SLC30A8: variants seen among roughly 807,000 people sequenced by gnomAD.
SLC30A8 encodes proton-coupled zinc antiporter SLC30A8.
In SLC30A8, 27 loss-of-function variants were observed where a neutral mutation model predicts 36.9. The observed-to-expected ratio is 0.73, with a 90% CI of 0.54 to 1.01. SLC30A8 has a LOEUF of 1.01. SLC30A8 is among the 50% of genes least tolerant of loss of function. The pLI is 0.00. For synonymous variants in SLC30A8, 164 were observed against 172.4 expected, an observed-to-expected ratio of 0.95 and a Z score of 0.38; for missense variants, 439 against 452.0, an observed-to-expected ratio of 0.97 and a Z score of 0.26.
Position 117,097,998 on chromosome 8 carries a change from TATATA to T in SLC30A8, c.-225-37276_-225-37272del, listed in dbSNP as rs989147615. 4.7e-5 allele frequency among the ~76,000 whole-genome samples: 6 copies of T among 128,046 alleles called. No individual in the cohort carries two copies. The East Asian group carries it at 8.6e-4, about 18-fold the overall frequency. 84.0% of individuals were successfully genotyped at this position (128,046 alleles called of 152,430 possible). A position where few individuals can be genotyped will look rare whatever the true frequency, so the allele number is the denominator to read the frequency against. Reference sequence around the variant, plus strand: ...AATAAATTTAATAAATTTAAATAAATATATAATATATATTTATTTTAAATAAATAT... The same window carrying T: ...AATAAATTTAATAAATTTAAATAAATATATATATTTATTTTAAATAAATAT... On this transcript the variant is annotated intron_variant, in intron 2 of 10. Coordinates refer to the SLC30A8 transcript ENST00000427715.
intron 2 of SLC30A8, among the ~76,000 whole-genome samples, chr8:117,063,528 C>G (rs1249266692): frequency 6.6e-6 from 1 of 152,150 alleles, no homozygotes; most frequent in Non-Finnish European, 1.5e-5. Context: ...TAGCACTGAC[C>G]ATTCTTTGAT....
chr8:117,014,831 G>A (rs1816460823), intron 1 of SLC30A8, among the ~76,000 whole-genome samples: 1 of 152,078 alleles, frequency 6.6e-6, no homozygotes, highest in Non-Finnish European at 1.5e-5. Context: ...ACTTTAGTCT[G>A]TGGGAGAGGG....
In SLC30A8 at chr8:117,038,397, A is replaced by T. The variant is rs569350998; in HGVS notation, c.-265-822A>T. Reference sequence around the variant, plus strand: ...ATGCATTCCTTTGAAACCACTGATGATATCTGCTGCTGTATATCTTGATTT... The same window carrying T: ...ATGCATTCCTTTGAAACCACTGATGTTATCTGCTGCTGTATATCTTGATTT... On this transcript the variant is annotated intron_variant, in intron 1 of 10. Transcript: ENST00000427715. 1.9e-3 allele frequency among the ~76,000 whole-genome samples: 284 copies of T among 152,284 alleles called. 1 individual carries two copies. Among genetic ancestry groups the T allele is most frequent in the Non-Finnish European group, 3.2e-3 (215 of 68,030 alleles).
chr8:116,963,846 C>T (rs911252240), intron 1 of SLC30A8, among the ~76,000 whole-genome samples: 3 of 152,228 alleles, frequency 2.0e-5, no homozygotes, highest in Admixed American at 2.0e-4. Flanking sequence ...TTGCTTTGCA[C>T]AGCAGCTGTA....
chr8:117,020,264 C>G (rs1057318271), intron 1 of SLC30A8, among the ~76,000 whole-genome samples: 3 of 151,660 alleles, frequency 2.0e-5, no homozygotes, highest in African/African-American at 7.3e-5. Flanking sequence ...TTTTATAGGC[C>G]CATTCTACAA....
chr8:116,983,132 A>G (rs899745859), intron 1 of SLC30A8, among the ~76,000 whole-genome samples: 2 of 152,104 alleles, frequency 1.3e-5, no homozygotes, highest in African/African-American at 2.4e-5. Context: ...TATAACTTCT[A>G]TTTTAGTAGT....
chr8:117,132,870 A>G (rs988071072), upstream of SLC30A8, among the ~76,000 whole-genome samples: 10 of 152,056 alleles, frequency 6.6e-5, no homozygotes, highest in Admixed American at 1.3e-4. Flanking sequence ...ATCTAAATTT[A>G]TGGCAGCAAA....
rs575092111 is a variant in SLC30A8, at chr8:117,063,279, G to T, written c.-226+24021G>T. On this transcript the variant is annotated intron_variant, in intron 2 of 10. Coordinates refer to the SLC30A8 transcript ENST00000427715. ...AGTTGCTAAATCTCTCTTTTATCGG[G>T]GAAATTATGGTCCAGGCAGAGCAGG... Among the ~76,000 whole-genome samples, 4 of 152,066 alleles carry T rather than the reference G, an allele frequency of 2.6e-5. No homozygotes were observed. The South Asian group carries it at 6.2e-4, about 24-fold the overall frequency.
At chr8:117,122,511 A>G (rs749206398) in intron 2 of SLC30A8, among the ~76,000 whole-genome samples, 9 of 151,990 alleles carry the variant, frequency 5.9e-5, no homozygotes, top group Non-Finnish European at 1.5e-5. Context: ...ACTCTTAACC[A>G]TCCAACTTTT....
At position 117,080,756 on chromosome 8, in the gene SLC30A8, T is replaced by G. The variant is rs138699913; in HGVS notation, c.-226+41498T>G. On this transcript the variant is annotated intron_variant, in intron 2 of 10. Coordinates refer to the SLC30A8 transcript ENST00000427715. The stretch of plus-strand genomic sequence containing the variant: ...CACCATTGTTGGGCACCTGGGTTGA[T>G]TCCATGTTTTTGCTGTTGTGAATAG... Among the ~76,000 whole-genome samples the G allele has an allele frequency of 2.1e-3, 316 of 152,334 alleles. 1 individual carries two copies. Among genetic ancestry groups the G allele is most frequent in the African/African-American group, 7.3e-3 (304 of 41,588 alleles).
intron 1 of SLC30A8, among the ~76,000 whole-genome samples, chr8:117,139,431 A>T (rs1821537743): frequency 6.6e-6 from 1 of 152,112 alleles, no homozygotes; most frequent in South Asian, 2.1e-4. Context: ...TTAGCCAGAA[A>T]GAGAACCCTC....
chr8:117,041,718 T>G (rs1219828916), intron 2 of SLC30A8, among the ~76,000 whole-genome samples: 7 of 151,844 alleles, frequency 4.6e-5, no homozygotes, highest in Non-Finnish European at 8.8e-5. Flanking sequence ...TAAAAAAAAT[T>G]CTGATGGTTG....
intron 2 of SLC30A8, among the ~76,000 whole-genome samples, chr8:117,096,866 C>T (rs962966434): frequency 6.6e-6 from 1 of 152,100 alleles, no homozygotes; most frequent in Admixed American, 6.6e-5. Flanking sequence ...CCTCTCCCCA[C>T]CTCCCACTCA....
chr8:117,136,566 CTT>C (rs962435979), intron 1 of SLC30A8, among the ~76,000 whole-genome samples: 2 of 151,886 alleles, frequency 1.3e-5, no homozygotes, highest in African/African-American at 4.8e-5. Context: ...ATATTTATAA[CTT>C]GGCTTAAAAC....
At chr8:117,163,697 A>G (rs1438300885) in intron 6 of SLC30A8, among the ~76,000 whole-genome samples, 167 bp downstream of exon 6, 1 of 152,166 alleles carries the variant, frequency 6.6e-6, no homozygotes, top group Non-Finnish European at 1.5e-5. Context: ...TTCCTATGGG[A>G]ACAAGTAAAA....
intron 1 of SLC30A8, among the ~76,000 whole-genome samples, chr8:116,973,122 T>C (rs2130621125): frequency 6.6e-6 from 1 of 152,328 alleles, no homozygotes; most frequent in Non-Finnish European, 1.5e-5. Flanking sequence ...AGAAGATGCC[T>C]TCTATGAGCC....
chr8:117,174,450 C>G lies in SLC30A8; in HGVS notation c.*1769C>G, dbSNP rs916811939. The G allele has an allele frequency of 6.6e-6, 1 of 152,580 alleles. No homozygotes were observed. The highest frequency in any genetic ancestry group is 6.5e-5 in the Admixed American group (1 of 15,272). 9.5% of individuals were successfully genotyped at this position (152,580 alleles called of 1,614,324 possible). On this transcript the variant is annotated 3_prime_UTR_variant, in exon 8 of 8. Coordinates refer to ENST00000456015, the MANE Select transcript of SLC30A8 (RefSeq NM_173851.3). ...CCTGCTCAGTAGAGACAAATATACT[C>G]ATCCCCCACCTCAGTGAGCTTGTTT... is the stretch of plus-strand genomic sequence containing the variant.
chr8:117,041,508 T>A (rs1422506209), intron 2 of SLC30A8, among the ~76,000 whole-genome samples: 5 of 151,788 alleles, frequency 3.3e-5, no homozygotes, highest in Admixed American at 2.6e-4. Flanking sequence ...CTTAACAGAG[T>A]GAAACCCCCG....
At position 117,135,139 on chromosome 8, in the gene SLC30A8, G is replaced by A. The variant is rs1268046152; in HGVS notation, c.-189G>A. ...GAAAACAATGAAGCCAGGTAATATT[G>A]CAAGGAGGCTGTAATTTTAGCAGAC... On this transcript the variant is annotated 5_prime_UTR_variant, in exon 1 of 8. Transcript: ENST00000456015. 1.4e-5 allele frequency: 6 copies of A among 425,922 alleles called. No homozygotes were observed. Among genetic ancestry groups the A allele is most frequent in the Non-Finnish European group, 2.5e-5 (6 of 238,290 alleles). The allele number at this position is 425,922 out of a possible 1,614,324, so 26.4% of individuals were successfully genotyped here.
Sources: gnomAD v4.1 joint callset for allele counts (sites outside exome capture counted in the v4.1 genomes callset) on GRCh38, gnomAD v4.1.1 for gene constraint, MANE v1.5 for transcripts, NCBI Gene and HGNC (gene_info 2026-07-23, HGNC 2026-07-21) for gene names.